The following STIM2 variants were observed in gnomAD, a reference collection of about 807,000 sequenced individuals.
STIM2 encodes stromal interaction molecule 2.
STIM2 carries 31 observed loss-of-function variants against 85.8 expected under a neutral mutation model. That is an observed-to-expected ratio of 0.36 (90% CI 0.27 to 0.49). The LOEUF is 0.49. Ranked by LOEUF, STIM2 falls within the 20% of genes least tolerant of loss-of-function variation. The probability of loss-of-function intolerance (pLI) is 0.98; values close to 1 mark genes in which losing one functional copy is unlikely to be tolerated. For missense variants in STIM2, 841 were observed against 927.6 expected, an observed-to-expected ratio of 0.91 and a Z score of 1.21; for synonymous variants, 356 against 331.1, an observed-to-expected ratio of 1.08 and a Z score of -0.82.
chr4:26,866,673 T>C (rs577267833), intron 1 of STIM2, among the ~76,000 whole-genome samples: 1 of 152,212 alleles, frequency 6.6e-6, no homozygotes, highest in Non-Finnish European at 1.5e-5. Context: ...AGTCCCCTAG[T>C]GTATTCAGTA....
chr4:26,918,474 A>G (rs962751407), intron 1 of STIM2, among the ~76,000 whole-genome samples: 1 of 152,160 alleles, frequency 6.6e-6, no homozygotes, highest in African/African-American at 2.4e-5. Context: ...ATGATAGACT[A>G]TCGATGAGAT....
chr4:26,963,243 G>A (rs991073880), intron 3 of STIM2, among the ~76,000 whole-genome samples: 1 of 151,900 alleles, frequency 6.6e-6, no homozygotes, highest in East Asian at 1.9e-4. Context: ...TAAAAGTAAG[G>A]GAAGTTATAA....
chr4:26,935,329 G>A (rs1021870645), intron 2 of STIM2, among the ~76,000 whole-genome samples: 2 of 152,090 alleles, frequency 1.3e-5, no homozygotes, highest in East Asian at 1.9e-4. Flanking sequence ...CTTTGTTTAC[G>A]TATATGTAAC....
chr4:26,931,027 C>T (rs1725187515), intron 2 of STIM2, among the ~76,000 whole-genome samples: 1 of 152,018 alleles, frequency 6.6e-6, no homozygotes, highest in South Asian at 2.1e-4. Context: ...AGGGGAGGAT[C>T]CACTTAAAAA....
intron 2 of STIM2, among the ~76,000 whole-genome samples, chr4:26,947,452 T>A (rs1010493506): frequency 6.6e-6 from 1 of 152,148 alleles, no homozygotes; most frequent in African/African-American, 2.4e-5. Context: ...ATTCAGGTAC[T>A]CATAATACCA....
At chr4:26,951,612 C>T (rs1365194022) in intron 2 of STIM2, among the ~76,000 whole-genome samples, 1 of 152,018 alleles carries the variant, frequency 6.6e-6, no homozygotes. Context: ...TATGGTAAAT[C>T]CGGTCCCTGT....
intron 2 of STIM2, among the ~76,000 whole-genome samples, chr4:26,920,340 C>A (rs992968369): frequency 3.3e-5 from 5 of 152,104 alleles, no homozygotes; most frequent in Non-Finnish European, 1.5e-5. Context: ...AAATGTGATT[C>A]CTTGGAGACC....
chr4:26,868,970 A>G (rs1436397530), intron 1 of STIM2, among the ~76,000 whole-genome samples: 1 of 152,154 alleles, frequency 6.6e-6, no homozygotes, highest in African/African-American at 2.4e-5. Flanking sequence ...TTGAATTTGC[A>G]TTTGTAACTA....
intron 3 of STIM2, among the ~76,000 whole-genome samples, chr4:26,969,105 A>C (rs1025509098): frequency 2.2e-4 from 33 of 152,222 alleles, no homozygotes; most frequent in African/African-American, 5.8e-4. Context: ...TAAGCTCAGA[A>C]AGGCAAGAAA....
At chr4:26,900,155 A>G (rs1044566224) in intron 1 of STIM2, among the ~76,000 whole-genome samples, 1 of 152,216 alleles carries the variant, frequency 6.6e-6, no homozygotes, top group African/African-American at 2.4e-5. Context: ...AATAGAAGCC[A>G]CAGAAGCTAG....
intron 11 of STIM2, among the ~76,000 whole-genome samples, chr4:27,020,387 C>T (rs2109147672): frequency 1.3e-5 from 2 of 152,330 alleles, no homozygotes; most frequent in Middle Eastern, 3.4e-3. Context: ...TGATTGATTT[C>T]TGAGTCTGAT....
intron 10 of STIM2, among the ~76,000 whole-genome samples, chr4:27,014,715 CTGTA>C (rs1280347390): frequency 2.0e-5 from 3 of 151,820 alleles, no homozygotes; most frequent in African/African-American, 7.2e-5. Context: ...ATAAAATCTT[CTGTA>C]TACGTATACA....
At chr4:26,923,192 C>A (rs916542334) in intron 2 of STIM2, among the ~76,000 whole-genome samples, 1 of 151,128 alleles carries the variant, frequency 6.6e-6, no homozygotes, top group African/African-American at 2.4e-5. Context: ...AAACTAACAA[C>A]CAGAAAGGAC....
At chr4:26,989,973 AG>A (rs1727706337) in intron 3 of STIM2, among the ~76,000 whole-genome samples, 1 of 152,202 alleles carries the variant, frequency 6.6e-6, no homozygotes, top group African/African-American at 2.4e-5. Flanking sequence ...TTCACAAAAA[AG>A]GAAAGATATG....
intron 1 of STIM2, among the ~76,000 whole-genome samples, chr4:26,893,765 A>G (rs1723589259): frequency 7.2e-5 from 7 of 97,828 alleles, no homozygotes; most frequent in Admixed American, 6.9e-4. Context: ...TTGGTATTAA[A>G]CATTCATTTT....
At chr4:26,935,064 T>A (rs1253743927) in intron 2 of STIM2, among the ~76,000 whole-genome samples, 1 of 152,182 alleles carries the variant, frequency 6.6e-6, no homozygotes, top group Non-Finnish European at 1.5e-5. Context: ...TTCCTATAAA[T>A]TTGCCACTAT....
At chr4:26,915,908 G>C (rs57810647) in intron 1 of STIM2, among the ~76,000 whole-genome samples, 1 of 152,142 alleles carries the variant, frequency 6.6e-6, no homozygotes, top group African/African-American at 2.4e-5. Flanking sequence ...TTAAATTAGC[G>C]AGTGAATTCT....
At chr4:26,929,726 C>T in intron 2 of STIM2, among the ~76,000 whole-genome samples, 1 of 151,656 alleles carries the variant, frequency 6.6e-6, no homozygotes, top group South Asian at 2.1e-4. Flanking sequence ...TATCTGATGG[C>T]CTATTTTATA....
At chr4:26,947,488 G>T (rs1725877546) in intron 2 of STIM2, among the ~76,000 whole-genome samples, 1 of 152,136 alleles carries the variant, frequency 6.6e-6, no homozygotes, top group Non-Finnish European at 1.5e-5. Flanking sequence ...GGGGGAAATT[G>T]GCCGGGCCAG....
Sources: allele counts gnomAD v4.1 joint callset (sites outside exome capture counted in the v4.1 genomes callset), GRCh38; gene constraint gnomAD v4.1.1; transcripts MANE v1.5; gene names NCBI Gene and HGNC (gene_info 2026-07-23, HGNC 2026-07-21).